Variants in MACF1 observed in about 807,000 individuals in gnomAD.
MACF1 encodes microtubule-actin cross-linking factor 1.
A neutral mutation model predicts 854.8 loss-of-function variants in MACF1; 193 were observed. That is an observed-to-expected ratio of 0.23 (90% CI 0.20 to 0.25). The LOEUF (loss-of-function observed/expected upper bound fraction) is 0.25, where lower values mean the gene tolerates loss of function less well. Among genes scored for constraint, MACF1 ranks in the 10% least tolerant of loss-of-function variants. The pLI, the probability that MACF1 is intolerant of heterozygous loss-of-function variation, is 1.00. For missense variants in MACF1, 7,722 were observed against 8,929.1 expected (o/e 0.86, Z 5.45); for synonymous variants, 3,185 against 3,226.7 (o/e 0.99, Z 0.44).
chr1:39,319,622 G>A, intron 30 of MACF1, 42 bp from the exon 31 acceptor site: 4 of 1,302,498 alleles, frequency 3.1e-6, no homozygotes, highest in Non-Finnish European at 4.5e-6. Context: ...TCTTTCAATG[G>A]TGGTAATGGC....
intron 99 of MACF1, 122 bp downstream of exon 99, chr1:39,481,152 A>C (rs1645004993): frequency 4.9e-6 from 3 of 612,556 alleles, no homozygotes; most frequent in African/African-American, 1.9e-5. Flanking sequence ...GCTTGCTGTC[A>C]CAGCTGATTC....
chr1:39,268,519 C>T (rs957715054), intron 6 of MACF1: 34 of 1,149,656 alleles, frequency 3.0e-5, no homozygotes, highest in Non-Finnish European at 3.4e-5. Flanking sequence ...CTGTCTGAAT[C>T]GGCAGCGGCT....
intron 53 of MACF1, 22 bp downstream of exon 53, chr1:39,378,545 T>G: frequency 1.2e-6 from 2 of 1,609,826 alleles, no homozygotes; most frequent in South Asian, 2.2e-5. Context: ...ATTTCAACAG[T>G]GCTTCTTTGT....
intron 2 of MACF1, among the ~76,000 whole-genome samples, chr1:39,123,724 T>TG (rs1208300462): frequency 5.1e-5 from 7 of 137,512 alleles, no homozygotes; most frequent in Admixed American, 1.5e-4. Context: ...TTTGTTTTTT[T>TG]TTTTTTTTTT....
rs867624867 is a variant in MACF1, at chr1:39,346,891, T to C, written c.10582-86T>C. On this transcript the variant is annotated intron_variant, in intron 40 of 100. Transcript: ENST00000564288. ...TATGAAAATACAGGAAATTAGCCTCTCTGATTCTGTTGGTTTTCTTCATGA... is the reference window on the plus strand; with the variant it reads ...TATGAAAATACAGGAAATTAGCCTCCCTGATTCTGTTGGTTTTCTTCATGA... 149 of 859,952 alleles carry C rather than the reference T, an allele frequency of 1.7e-4. No individual in the cohort carries two copies. The African/African-American group carries it at 2.3e-3, about 13-fold the overall frequency. The allele number at this position is 859,952 out of a possible 1,614,324, so 53.3% of individuals were successfully genotyped here.
At chr1:39,404,679 C>G (rs577825111) in intron 58 of MACF1, among the ~76,000 whole-genome samples, 2 of 152,196 alleles carry the variant, frequency 1.3e-5, no homozygotes, top group Admixed American at 6.5e-5. Context: ...AGACGAGTGT[C>G]TTGCAATGTT....
intron 5 of MACF1, among the ~76,000 whole-genome samples, chr1:39,255,511 A>G (rs1281835159): frequency 6.6e-6 from 1 of 152,180 alleles, no homozygotes; most frequent in Admixed American, 6.5e-5. Context: ...GAGTCAGTTC[A>G]TTTTTGACAC....
At chr1:39,485,428 C>A (rs778602858) in intron 100 of MACF1, 110 bp from the exon 101 acceptor site, 8 of 1,254,370 alleles carry the variant, frequency 6.4e-6, no homozygotes, top group Non-Finnish European at 8.6e-6. Flanking sequence ...TGCAGAAAGG[C>A]TGTGAGATTT....
chr1:39,348,273 T>C (rs1647102362), intron 41 of MACF1, among the ~76,000 whole-genome samples: 1 of 152,154 alleles, frequency 6.6e-6, no homozygotes, highest in African/African-American at 2.4e-5. Flanking sequence ...GATATAACCT[T>C]TGGATAATTA....
At chr1:39,367,136 G>A (rs1208396716) in intron 49 of MACF1, among the ~76,000 whole-genome samples, 3 of 150,802 alleles carry the variant, frequency 2.0e-5, no homozygotes, top group African/African-American at 2.4e-5. Context: ...TAGTAGAGAC[G>A]GAGTTTCACC....
intron 84 of MACF1, among the ~76,000 whole-genome samples, chr1:39,450,813 G>A (rs555951385): frequency 1.9e-4 from 29 of 151,440 alleles, no homozygotes; most frequent in East Asian, 3.9e-4. Context: ...GGGTTTCACC[G>A]TGTTAGCCAG....
chr1:39,428,148 C>A lies in MACF1; in HGVS notation c.16664C>A (p.Ala5555Asp). The stretch of plus-strand genomic sequence containing the variant: ...CGGAAGGCAGCCCTACTTGACCAAG[C>A]TCTGTCTAATGCTAGGCTGTTTGGG... The part of the protein sequence containing the change: ...CCRKAALLDQ[A>D]LSNARLFGED... Residue 5555 changes from alanine to aspartate, a missense_variant, in exon 63 of 101, where the codon GCT (alanine) becomes GAT (aspartate). By Grantham distance (126) the Ala-to-Asp change is moderately radical. Coordinates refer to ENST00000564288, the MANE Select transcript of MACF1 (RefSeq NM_001394062.1). 1 of 1,614,168 alleles carries A rather than the reference C, an allele frequency of 6.2e-7. No individual in the cohort carries two copies. The highest frequency in any genetic ancestry group is 8.5e-7 in the Non-Finnish European group (1 of 1,180,038).
chr1:39,369,566 T>A (rs1045166600), intron 50 of MACF1, among the ~76,000 whole-genome samples: 2 of 152,244 alleles, frequency 1.3e-5, no homozygotes, highest in African/African-American at 4.8e-5. Flanking sequence ...TGATTTAGTT[T>A]ATTCATTGGC....
At chr1:39,130,927 C>T (rs1026904701) in intron 2 of MACF1, among the ~76,000 whole-genome samples, 4 of 149,804 alleles carry the variant, frequency 2.7e-5, no homozygotes, top group East Asian at 2.0e-4. Flanking sequence ...CTGCAACCTC[C>T]GCCTCCCGGG....
At chr1:39,253,238 T>C (rs1477106294) in intron 4 of MACF1, among the ~76,000 whole-genome samples, 1 of 152,122 alleles carries the variant, frequency 6.6e-6, no homozygotes, top group East Asian at 1.9e-4. Flanking sequence ...TGGGTAGAGA[T>C]GGGGTTCTCT....
chr1:39,234,143 A>C (rs543233071), intron 2 of MACF1, among the ~76,000 whole-genome samples: 68 of 150,328 alleles, frequency 4.5e-4, no homozygotes, highest in African/African-American at 1.4e-3. Context: ...AGGCAGAAGA[A>C]TTTTTCTTAG....
intron 2 of MACF1, among the ~76,000 whole-genome samples, chr1:39,233,688 T>C (rs1644812309): frequency 6.6e-6 from 1 of 151,632 alleles, no homozygotes; most frequent in African/African-American, 2.4e-5. Context: ...GAGGCAGTGA[T>C]AGAGCCTTTT....
chr1:39,144,880 C>G (rs1643428514), intron 2 of MACF1, among the ~76,000 whole-genome samples: 1 of 152,180 alleles, frequency 6.6e-6, no homozygotes, highest in South Asian at 2.1e-4. Context: ...ATCCCAGAAT[C>G]TGGTCACAAC....
At chr1:39,299,039 T>C (rs750444118) in intron 21 of MACF1, among the ~76,000 whole-genome samples, 4 of 152,126 alleles carry the variant, frequency 2.6e-5, no homozygotes, top group Non-Finnish European at 4.4e-5. Context: ...CTGGTTCTTT[T>C]CAGAACTTTT....
Sources: gnomAD v4.1 joint callset for allele counts (sites outside exome capture counted in the v4.1 genomes callset) on GRCh38, gnomAD v4.1.1 for gene constraint, MANE v1.5 for transcripts, NCBI Gene and HGNC (gene_info 2026-07-23, HGNC 2026-07-21) for gene names.